The following AKT1 variants were observed in gnomAD, a reference collection of about 807,000 sequenced individuals.
AKT1 encodes RAC-alpha serine/threonine-protein kinase.
AKT1 carries 21 observed loss-of-function variants against 63.1 expected under a neutral mutation model. The ratio of observed to expected loss-of-function variants is 0.33; its 90% confidence interval spans 0.24 to 0.48. AKT1 has a LOEUF of 0.48. AKT1 is among the 20% of genes least tolerant of loss of function. The probability of loss-of-function intolerance (pLI) is 0.99; values close to 1 mark genes in which losing one functional copy is unlikely to be tolerated. For missense variants in AKT1, 382 were observed against 666.0 expected (o/e 0.57, Z 4.69); for synonymous variants, 257 against 253.1 (o/e 1.02, Z -0.15).
chr14:104,788,118 C>A (rs1312921445), intron 3 of AKT1, among the ~76,000 whole-genome samples: 1 of 152,198 alleles, frequency 6.6e-6, no homozygotes, highest in South Asian at 2.1e-4. Flanking sequence ...CCACGGGGGC[C>A]GTTCCAGACC....
chr14:104,773,138 G>A (rs766097509), intron 11 of AKT1, 46 bp from the exon 12 acceptor site: 11 of 1,611,562 alleles, frequency 6.8e-6, no homozygotes, highest in East Asian at 4.5e-5. Flanking sequence ...AGGGGTGTCC[G>A]GGACACTGCC....
rs771667675 is a variant in AKT1, at chr14:104,775,211, T to TGG, written c.436-6_436-5dup. ...GGTACTCAAACTCGTTCATGGTCTA[T>TGG]GGGCAGGCACCAGGGTCAGCAAGCG... is the stretch of plus-strand genomic sequence containing the variant. On this transcript the variant is annotated splice_polypyrimidine_tract_variant and splice_region_variant and intron_variant, in intron 6 of 14. Coordinates refer to ENST00000649815, the MANE Select transcript of AKT1 (RefSeq NM_001382430.1). The TGG allele has an allele frequency of 6.2e-7, 1 of 1,613,588 alleles. No individual in the cohort carries two copies. Among genetic ancestry groups the TGG allele is most frequent in the African/African-American group, 1.3e-5 (1 of 74,924 alleles).
chr14:104,793,870 GA>G, intron 1 of AKT1: 1 of 152,258 alleles, frequency 6.6e-6, no homozygotes, highest in Non-Finnish European at 1.5e-5. Flanking sequence ...CTGAGGGGAG[GA>G]GGGTCCTCTC....
At position 104,778,862 on chromosome 14, in the gene AKT1, A is replaced by C. The variant is rs547617742; in HGVS notation, c.175+1226T>G. ...GATGCAGCACATGGGGATGGAACCT[A>C]AGGCCAGCCCCTGGTGGGCACCTCG... On this transcript the variant is annotated intron_variant, in intron 4 of 14. Transcript: ENST00000649815. Among the ~76,000 whole-genome samples the C allele has an allele frequency of 1.4e-4, 22 of 152,042 alleles. No homozygotes were observed. The South Asian group carries it at 4.2e-3, about 29-fold the overall frequency.
chr14:104,792,674 C>T lies in AKT1; in HGVS notation c.-31G>A. 2 of 1,606,616 alleles carry T rather than the reference C, an allele frequency of 1.2e-6. No individual in the cohort carries two copies. Among genetic ancestry groups the T allele is most frequent in the Non-Finnish European group, 1.7e-6 (2 of 1,179,720 alleles). On this transcript the variant is annotated 5_prime_UTR_variant, in exon 3 of 15. Coordinates refer to ENST00000649815, the MANE Select transcript of AKT1 (RefSeq NM_001382430.1). ...CCGAGGCTCCCGCGACGCTCACGCG[C>T]TCCTCTCAGGCTGGCGCTCCCCGAG...
chr14:104,786,882 C>A (rs977884203), intron 3 of AKT1, among the ~76,000 whole-genome samples: 16 of 152,196 alleles, frequency 1.1e-4, no homozygotes, highest in Admixed American at 9.8e-4. Flanking sequence ...GCCAGCCAGA[C>A]CCTGGCCAGC....
intron 3 of AKT1, among the ~76,000 whole-genome samples, chr14:104,788,841 T>G (rs1893472770): frequency 6.6e-6 from 1 of 152,048 alleles, no homozygotes. Context: ...AGGCCTGGAC[T>G]GGGGGGTCTA....
Position 104,772,873 on chromosome 14 carries a change from C to G in AKT1, c.1172+5G>C. The G allele has an allele frequency of 6.2e-7, 1 of 1,605,976 alleles. No homozygotes were observed. Among genetic ancestry groups the G allele is most frequent in the Non-Finnish European group, 8.5e-7 (1 of 1,178,488 alleles). The stretch of plus-strand genomic sequence containing the variant: ...TAGCCTGTAGCTGGGATGGGCGGCC[C>G]TCACCTCTGCTTGGGGTCCTTCTTG... On this transcript the variant is annotated splice_donor_5th_base_variant and intron_variant, in intron 12 of 14. Transcript: ENST00000649815.
At position 104,773,532 on chromosome 14, in the gene AKT1, G is replaced by A. The variant is rs780571834; in HGVS notation, c.751C>T (p.Arg251Cys). Residue 251 changes from arginine to cysteine, a missense_variant, in exon 10 of 15, where the codon CGC becomes TGC. Coordinates refer to ENST00000649815, the MANE Select transcript of AKT1 (RefSeq NM_001382430.1). ...GACACAATCTCAGCGCCATAGAAGC[G>A]GGCCCGGTCCTCGGAGAACACACGC... is the stretch of plus-strand genomic sequence containing the variant. ...RERVFSEDRARFYGAEIVSAL... is the reference protein window; with the variant it reads ...RERVFSEDRACFYGAEIVSAL... 1.2e-5 allele frequency: 19 copies of A among 1,612,516 alleles called. No individual in the cohort carries two copies. Among genetic ancestry groups the A allele is most frequent in the Admixed American group, 8.4e-5 (5 of 59,748 alleles).
chr14:104,775,616 G>GCC (rs760267964), intron 6 of AKT1, 36 bp downstream of exon 6: 1 of 1,608,560 alleles, frequency 6.2e-7, no homozygotes, highest in African/African-American at 1.3e-5. Context: ...GTCCAAGGCA[G>GCC]CCCCAGGCAC....
In AKT1 at chr14:104,793,232, T is replaced by C. The variant is rs1465280609; in HGVS notation, c.-185A>G. 1.1e-5 allele frequency: 2 copies of C among 183,878 alleles called. No individual in the cohort carries two copies. The highest frequency in any genetic ancestry group is 4.7e-5 in the African/African-American group (2 of 42,476). The allele number at this position is 183,878 out of a possible 1,614,324, so 11.4% of individuals were successfully genotyped here. On this transcript the variant is annotated 5_prime_UTR_variant, in exon 2 of 15. Transcript: ENST00000649815. ...GCCCCTGGTGACAGATGGCCCCGTT[T>C]GCTCTCCCTGTCCATGGTGTTCCTA...
intron 13 of AKT1, chr14:104,771,902 GGT>G: frequency 3.9e-6 from 1 of 254,618 alleles, no homozygotes; most frequent in Non-Finnish European, 7.6e-6. Flanking sequence ...CAGAAAAGTA[GGT>G]GCTGTCCCTG....
chr14:104,792,547 A>G lies in AKT1; in HGVS notation c.46+51T>C, dbSNP rs748616646. ...ACAGGCACTCACAGACCCTGGGGCT[A>G]CTACCCCCATCTCTCCCTCCCCAGG... is the stretch of plus-strand genomic sequence containing the variant. On this transcript the variant is annotated intron_variant, in intron 3 of 14. Coordinates refer to ENST00000649815, the MANE Select transcript of AKT1 (RefSeq NM_001382430.1). 3.1e-6 allele frequency: 5 copies of G among 1,602,596 alleles called. No homozygotes were observed. In the African/African-American group the frequency reaches 4.0e-5, roughly 13 times the overall value.
intron 3 of AKT1, among the ~76,000 whole-genome samples, chr14:104,783,857 G>A (rs996653402): frequency 3.3e-5 from 5 of 152,196 alleles, no homozygotes; most frequent in East Asian, 3.9e-4. Context: ...GTGCAACCCC[G>A]GCCTGGGCCT....
At position 104,775,016 on chromosome 14, in the gene AKT1, G is replaced by A. The variant is rs373270810; in HGVS notation, c.568-13C>T. The stretch of plus-strand genomic sequence containing the variant: ...GGGCCACCTCGTCCTGTAAAGCAGG[G>A]CTGGGTGAGCTGCCACCCCGCACCC... On this transcript the variant is annotated splice_polypyrimidine_tract_variant and intron_variant, in intron 7 of 14. Coordinates refer to ENST00000649815, the MANE Select transcript of AKT1 (RefSeq NM_001382430.1). 3.1e-6 allele frequency: 5 copies of A among 1,613,116 alleles called. No homozygotes were observed. The Admixed American group carries it at 5.0e-5, about 16-fold the overall frequency.
chr14:104,772,224 G>A, intron 13 of AKT1, 141 bp downstream of exon 13: 3 of 912,164 alleles, frequency 3.3e-6, no homozygotes, highest in Admixed American at 1.9e-5. Context: ...GTGCAGCAAG[G>A]CCCTCCTTGT....
At chr14:104,787,244 G>A (rs10136000) in intron 3 of AKT1, among the ~76,000 whole-genome samples, 44,677 of 152,104 alleles carry the variant, frequency 0.29, 6,974 homozygotes, top group African/African-American at 0.37. Context: ...GGGAACTCCC[G>A]TTGGAGATGA....
Position 104,769,838 on chromosome 14 carries a change from G to T in AKT1, c.*503C>A, listed in dbSNP as rs554616284. 22 of 388,302 alleles carry T rather than the reference G, an allele frequency of 5.7e-5. No individual in the cohort carries two copies. The highest frequency in any genetic ancestry group is 4.6e-4 in the African/African-American group (22 of 48,056). The allele number at this position is 388,302 out of a possible 1,614,324, so 24.1% of individuals were successfully genotyped here. On this transcript the variant is annotated 3_prime_UTR_variant, in exon 15 of 15. Transcript: ENST00000649815. ...AGAGACACGGCCTTAGTGCTGGGGG[G>T]CTGCTGTGTGCCTGCCACCCCCAGG...
chr14:104,791,918 G>A (rs1334576806), intron 3 of AKT1, among the ~76,000 whole-genome samples: 1 of 152,214 alleles, frequency 6.6e-6, no homozygotes, highest in Non-Finnish European at 1.5e-5. Context: ...CAGCCACCCA[G>A]ACTCCACCGC....
Sources: allele counts gnomAD v4.1 joint callset (sites outside exome capture counted in the v4.1 genomes callset), GRCh38; gene constraint gnomAD v4.1.1; transcripts MANE v1.5; gene names NCBI Gene and HGNC (gene_info 2026-07-23, HGNC 2026-07-21).